Variants in ST18 observed in about 807,000 individuals in gnomAD.
ST18 encodes ST18 C2H2C-type zinc finger transcription factor.
A neutral mutation model predicts 110.0 loss-of-function variants in ST18; 50 were observed. The ratio of observed to expected loss-of-function variants is 0.45; its 90% CI spans 0.36 to 0.58. The LOEUF is 0.58. Ranked by LOEUF, ST18 falls within the 20% of genes least tolerant of loss-of-function variation. The pLI is 0.00. For synonymous variants in ST18, 461 were observed against 452.4 expected, an observed-to-expected ratio of 1.02 and a Z score of -0.24; for missense variants, 1,306 against 1,280.1, an observed-to-expected ratio of 1.02 and a Z score of -0.31.
chr8:52,129,342 T>C (rs902050759), intron 22 of ST18, among the ~76,000 whole-genome samples: 3 of 149,586 alleles, frequency 2.0e-5, no homozygotes, highest in Non-Finnish European at 4.4e-5. Flanking sequence ...TGGTCCCAGC[T>C]ACTTGGGAGG....
chr8:52,192,772 T>C (rs2074982847), intron 8 of ST18, among the ~76,000 whole-genome samples: 2 of 152,320 alleles, frequency 1.3e-5, no homozygotes, highest in Admixed American at 6.5e-5. Context: ...CTAGGTCCTG[T>C]AGGTCTGAGG....
At chr8:52,228,075 T>C (rs2090099707) in intron 3 of ST18, among the ~76,000 whole-genome samples, 1 of 152,190 alleles carries the variant, frequency 6.6e-6, no homozygotes, top group South Asian at 2.1e-4. Flanking sequence ...ATAGATTTTG[T>C]CTGTTTGATT....
rs140531192 is a variant in ST18 at position 52,214,227 on chromosome 8, G to T, written c.31C>A (p.Arg11Ser). The T allele has an allele frequency of 2.5e-6, 4 of 1,613,906 alleles. No individual in the cohort carries two copies. The highest frequency in any genetic ancestry group is 3.4e-6 in the Non-Finnish European group (4 of 1,179,974). Reference sequence around the variant, plus strand: ...CCCTCGGTTCCTTTAGAGCGAGTACGCAGCGTTTTATCTTCAGCCTCTGCA... The same window carrying T: ...CCCTCGGTTCCTTTAGAGCGAGTACTCAGCGTTTTATCTTCAGCCTCTGCA... MDAEAEDKTL[R>S]TRSKGTEVPM... The change falls in exon 7 of 26, where the codon CGT becomes AGT. Residue 11 changes from arginine (R) to serine (S), a missense_variant. Coordinates refer to ENST00000689386, the MANE Select transcript of ST18 (RefSeq NM_001352837.2).
intron 24 of ST18, among the ~76,000 whole-genome samples, chr8:52,117,446 C>T (rs1013822495): frequency 6.6e-6 from 1 of 152,164 alleles, no homozygotes; most frequent in East Asian, 1.9e-4. Context: ...TGTCTGCTTC[C>T]TCCTTCTAGA....
intron 8 of ST18, among the ~76,000 whole-genome samples, chr8:52,196,955 G>T (rs1314774148): frequency 6.6e-6 from 1 of 152,192 alleles, no homozygotes; most frequent in African/African-American, 2.4e-5. Context: ...AAGAAAAGGA[G>T]AAACAGTTAA....
chr8:52,154,640 G>A (rs1305318650), intron 15 of ST18: 6 of 152,148 alleles, frequency 3.9e-5, no homozygotes, highest in African/African-American at 1.4e-4. Flanking sequence ...GAGCTCTTTG[G>A]AGCTGTGGCC....
intron 2 of ST18, among the ~76,000 whole-genome samples, chr8:52,351,340 T>G (rs1820238561): frequency 6.6e-6 from 1 of 152,142 alleles, no homozygotes; most frequent in African/African-American, 2.4e-5. Flanking sequence ...ATCTGCAGAG[T>G]ACACTGACTT....
At chr8:52,187,316 A>G (rs944020907) in intron 8 of ST18, among the ~76,000 whole-genome samples, 1 of 152,170 alleles carries the variant, frequency 6.6e-6, no homozygotes, top group African/African-American at 2.4e-5. Context: ...TATATCTCTA[A>G]AGCTCAGAGA....
At chr8:52,261,809 C>A (rs930610475) in intron 2 of ST18, among the ~76,000 whole-genome samples, 2 of 152,146 alleles carry the variant, frequency 1.3e-5, no homozygotes, top group African/African-American at 4.8e-5. Context: ...TTTCTAAAAG[C>A]CCCAGAGAAA....
rs561114095 is a variant in ST18, at chr8:52,129,151, G to A, written c.2666+2807C>T. Among the ~76,000 whole-genome samples, 14 of 152,158 alleles carry A rather than the reference G, an allele frequency of 9.2e-5. No individual in the cohort carries two copies. In the South Asian group the frequency reaches 2.3e-3, roughly 25 times the overall value. ...ACTGCGTGCCAGGCATAAGCGAGGC[G>A]TTTTGCCATATTATTCCATTAAATT... On this transcript the variant is annotated intron_variant, in intron 22 of 25. Coordinates refer to ENST00000689386, the MANE Select transcript of ST18 (RefSeq NM_001352837.2).
intron 8 of ST18, among the ~76,000 whole-genome samples, chr8:52,198,969 C>CAA (rs965542911): frequency 3.3e-5 from 5 of 152,154 alleles, no homozygotes; most frequent in African/African-American, 1.2e-4. Flanking sequence ...ACCTGGAAGT[C>CAA]AGATAGGCTT....
intron 21 of ST18, 91 bp from the exon 22 acceptor site, chr8:52,132,270 T>A: frequency 8.9e-7 from 1 of 1,129,256 alleles, no homozygotes; most frequent in Non-Finnish European, 1.2e-6. Context: ...TATAGAGTTT[T>A]AATAAAAGAT....
chr8:52,159,420 T>C (rs191665058), intron 14 of ST18, among the ~76,000 whole-genome samples: 2 of 152,024 alleles, frequency 1.3e-5, no homozygotes, highest in African/African-American at 4.8e-5. Context: ...GTGGCAAAAA[T>C]TGTAGATAAA....
chr8:52,202,284 G>T (rs906196319), intron 8 of ST18, among the ~76,000 whole-genome samples: 1 of 116,188 alleles, frequency 8.6e-6, no homozygotes, highest in African/African-American at 3.1e-5. Context: ...AAAACAAACA[G>T]GGGTAGATAA....
chr8:52,347,096 G>A (rs561768091), intron 2 of ST18, among the ~76,000 whole-genome samples: 144 of 152,256 alleles, frequency 9.5e-4, no homozygotes, highest in African/African-American at 3.4e-3. Context: ...GGCACAGGAA[G>A]GTAGCTATGT....
chr8:52,277,126 T>C (rs2095285938), intron 2 of ST18, among the ~76,000 whole-genome samples: 1 of 152,200 alleles, frequency 6.6e-6, no homozygotes, highest in Admixed American at 6.5e-5. Flanking sequence ...AGAGACTGCC[T>C]GAAGGACTGC....
At chr8:52,198,289 G>A (rs2076840179) in intron 8 of ST18, among the ~76,000 whole-genome samples, 1 of 152,208 alleles carries the variant, frequency 6.6e-6, no homozygotes, top group Non-Finnish European at 1.5e-5. Flanking sequence ...ACAGGCATGA[G>A]CCACTGCGCC....
chr8:52,388,823 G>A (rs540248389), intron 2 of ST18, among the ~76,000 whole-genome samples: 8 of 125,642 alleles, frequency 6.4e-5, no homozygotes, highest in South Asian at 3.2e-4. Context: ...TGTGGGGTGG[G>A]GGGAGGGGGG....
chr8:52,192,046 A>C (rs1252269214), intron 8 of ST18, among the ~76,000 whole-genome samples: 3 of 152,066 alleles, frequency 2.0e-5, no homozygotes, highest in Non-Finnish European at 4.4e-5. Flanking sequence ...GTCTGTTTTC[A>C]AGCTTCCCAG....
Sources: gnomAD v4.1 joint callset for allele counts (sites outside exome capture counted in the v4.1 genomes callset) on GRCh38, gnomAD v4.1.1 for gene constraint, MANE v1.5 for transcripts, NCBI Gene and HGNC (gene_info 2026-07-23, HGNC 2026-07-21) for gene names.